SMYD4: variants seen among roughly 807,000 people sequenced by gnomAD.
SMYD4 encodes protein-lysine N-methyltransferase SMYD4.
In SMYD4, 68 loss-of-function variants were observed where a neutral mutation model predicts 72.8. The ratio of observed to expected loss-of-function variants is 0.93; its 90% CI spans 0.77 to 1.14. SMYD4 has a LOEUF of 1.14. SMYD4 is among the 50% of genes most tolerant of loss of function. The pLI is 0.00. For missense variants in SMYD4, 984 were observed against 1,003.7 expected, an observed-to-expected ratio of 0.98 and a Z score of 0.27; for synonymous variants, 407 against 388.6, an observed-to-expected ratio of 1.05 and a Z score of -0.56.
At chr17:1,813,237 C>T (rs1910427484) in intron 2 of SMYD4, among the ~76,000 whole-genome samples, 1 of 152,178 alleles carries the variant, frequency 6.6e-6, no homozygotes, top group African/African-American at 2.4e-5. Context: ...CTGGGCCCAG[C>T]CAGGATCTTG....
chr17:1,798,535 G>A (rs1196482910), intron 5 of SMYD4, among the ~76,000 whole-genome samples: 1 of 152,100 alleles, frequency 6.6e-6, no homozygotes, highest in Non-Finnish European at 1.5e-5. Context: ...GGCTGAGGCG[G>A]GAGGATTGCT....
Position 1,786,919 on chromosome 17 carries a change from T to A in SMYD4, c.1775A>T (p.Gln592Leu). Residue 592 changes from glutamine to leucine, a missense_variant, in exon 7 of 11, where the codon CAG becomes CTG. Transcript: ENST00000305513. ...VAERQQKLRS[Q>L]YFFDCACPAC... ...TGGACAGGCGCAGTCAAAGAAATACTGAGACCTCAGCTTCTGCTGCCTTTC... is the reference window on the plus strand; with the variant it reads ...TGGACAGGCGCAGTCAAAGAAATACAGAGACCTCAGCTTCTGCTGCCTTTC... 1 of 1,614,206 alleles carries A rather than the reference T, an allele frequency of 6.2e-7. No homozygotes were observed. The highest frequency in any genetic ancestry group is 8.5e-7 in the Non-Finnish European group (1 of 1,180,040).
In SMYD4 at chr17:1,800,838, T is replaced by C; in HGVS notation, c.556A>G (p.Thr186Ala). 1.2e-6 allele frequency: 2 copies of C among 1,614,126 alleles called. No individual in the cohort carries two copies. Among genetic ancestry groups the C allele is most frequent in the South Asian group, 2.2e-5 (2 of 91,076 alleles). Reference sequence around the variant, plus strand: ...AGACGATGGAGGTTTCTCTGCAGAGTCTGAGGGAGGACATCTGCTAGGGCT... The same window carrying C: ...AGACGATGGAGGTTTCTCTGCAGAGCCTGAGGGAGGACATCTGCTAGGGCT... ...TPALADVLPQTLQRNLHRLKM... is the reference protein window; with the variant it reads ...TPALADVLPQALQRNLHRLKM... Residue 186 changes from threonine (T) to alanine (A), a missense_variant, in exon 5 of 11, where the codon ACT becomes GCT. Transcript: ENST00000305513.
intron 2 of SMYD4, among the ~76,000 whole-genome samples, chr17:1,827,363 A>G (rs1020577897): frequency 6.6e-6 from 1 of 151,574 alleles, no homozygotes; most frequent in Non-Finnish European, 1.5e-5. Flanking sequence ...GAAAAAAAAA[A>G]AAAGAAAAAC....
chr17:1,812,089 CT>C lies in SMYD4; in HGVS notation c.160del (p.Arg54AspfsTer126). ...TCCCACCAAGTAACCTTTAGAAAGT[CT>C]TTTTAGAAACAGCTCATCCTCAGGT... is the stretch of plus-strand genomic sequence containing the variant. ...LQPEDELFLK[R>X]LSKGYLVGKD... On this transcript the variant is annotated frameshift_variant, in exon 3 of 11. Transcript: ENST00000305513. LOFTEE classifies it high-confidence loss of function. 1 of 1,613,964 alleles carries C rather than the reference CT, an allele frequency of 6.2e-7. No individual in the cohort carries two copies. The highest frequency in any genetic ancestry group is 1.3e-5 in the African/African-American group (1 of 74,994).
chr17:1,790,280 C>T (rs887949653), intron 5 of SMYD4, among the ~76,000 whole-genome samples: 4 of 152,072 alleles, frequency 2.6e-5, no homozygotes, highest in African/African-American at 9.7e-5. Flanking sequence ...GCCCAGGAAC[C>T]GTGTGGGTAT....
At chr17:1,810,791 C>T (rs778517975) in intron 3 of SMYD4, among the ~76,000 whole-genome samples, 54 of 152,218 alleles carry the variant, frequency 3.5e-4, no homozygotes, top group Non-Finnish European at 5.9e-4. Flanking sequence ...AGGAGTATGC[C>T]GGCGGAAGAG....
chr17:1,804,752 C>T, intron 3 of SMYD4, 37 bp from the exon 4 acceptor site: 1 of 1,590,024 alleles, frequency 6.3e-7, no homozygotes, highest in Non-Finnish European at 8.6e-7. Context: ...TATAAATGGA[C>T]ACCAGCATCT....
intron 5 of SMYD4, among the ~76,000 whole-genome samples, chr17:1,787,986 T>C (rs904188959): frequency 6.6e-6 from 1 of 152,228 alleles, no homozygotes; most frequent in Non-Finnish European, 1.5e-5. Flanking sequence ...CAAAGACTTT[T>C]AGAGCCCAAG....
intron 3 of SMYD4, among the ~76,000 whole-genome samples, chr17:1,806,119 G>C (rs1252733153): frequency 1.3e-5 from 2 of 151,814 alleles, no homozygotes; most frequent in Non-Finnish European, 2.9e-5. Context: ...TAGAGATGGG[G>C]TTTCACCGTG....
chr17:1,811,724 T>C (rs974378282), intron 3 of SMYD4, among the ~76,000 whole-genome samples: 23 of 152,082 alleles, frequency 1.5e-4, no homozygotes, highest in Non-Finnish European at 3.2e-4. Context: ...GTCAGTAGTT[T>C]GAGACCAGCC....
chr17:1,823,092 C>T (rs570881268), intron 2 of SMYD4, among the ~76,000 whole-genome samples: 5 of 151,580 alleles, frequency 3.3e-5, no homozygotes, highest in Non-Finnish European at 5.9e-5. Context: ...AGAAGCTGGC[C>T]GGGCACGGTG....
chr17:1,786,522 G>A lies in SMYD4; in HGVS notation c.1884+288C>T, dbSNP rs541333453. On this transcript the variant is annotated intron_variant, in intron 7 of 10. Coordinates refer to ENST00000305513, the MANE Select transcript of SMYD4 (RefSeq NM_052928.3). ...TGTCACTGTGCCCAGCCTATCCTGG[G>A]ACTTTTCAATGACTGACTTCAGCAA... Among the ~76,000 whole-genome samples the A allele has an allele frequency of 3.6e-3, 542 of 152,262 alleles. 4 individuals carry two copies. The highest frequency in any genetic ancestry group is 6.2e-3 in the Non-Finnish European group (420 of 68,026).
intron 2 of SMYD4, among the ~76,000 whole-genome samples, chr17:1,821,835 G>A (rs901376194): frequency 8.6e-5 from 13 of 151,886 alleles, no homozygotes; most frequent in African/African-American, 3.1e-4. Flanking sequence ...GGTGGCTGAG[G>A]CATGAGAATC....
At position 1,820,052 on chromosome 17, in the gene SMYD4, G is replaced by T. The variant is rs533320446; in HGVS notation, c.134+7809C>A. Among the ~76,000 whole-genome samples, 263 of 152,042 alleles carry T rather than the reference G, an allele frequency of 1.7e-3. 2 individuals are homozygous for T. Among genetic ancestry groups the T allele is most frequent in the African/African-American group, 6.0e-3 (247 of 41,496 alleles). Reference sequence around the variant, plus strand: ...ATCCACCTGCCTTGGCTTCCCAAAGGGCTGGGATTACAGGCATGAGCCACC... The same window carrying T: ...ATCCACCTGCCTTGGCTTCCCAAAGTGCTGGGATTACAGGCATGAGCCACC... On this transcript the variant is annotated intron_variant, in intron 2 of 10. Coordinates refer to ENST00000305513, the MANE Select transcript of SMYD4 (RefSeq NM_052928.3).
chr17:1,796,678 G>A (rs1020802312), intron 5 of SMYD4, among the ~76,000 whole-genome samples: 3 of 151,832 alleles, frequency 2.0e-5, no homozygotes, highest in East Asian at 1.9e-4. Context: ...CTCGAGATCC[G>A]CCCGCCTCGG....
In SMYD4 at chr17:1,779,938, T is replaced by C. The variant is rs531776575; in HGVS notation, c.*1348A>G. 6.5e-6 allele frequency: 1 copy of C among 152,808 alleles called. No homozygotes were observed. Among genetic ancestry groups the C allele is most frequent in the South Asian group, 2.1e-4 (1 of 4,832 alleles). 9.5% of individuals were successfully genotyped at this position (152,808 alleles called of 1,614,324 possible). A position where few individuals can be genotyped will look rare whatever the true frequency, so the allele number is the denominator to read the frequency against. On this transcript the variant is annotated 3_prime_UTR_variant, in exon 11 of 11. Coordinates refer to ENST00000305513, the MANE Select transcript of SMYD4 (RefSeq NM_052928.3). ...TTCCAGGGAAACAGACTATCATCAC[T>C]GAGCGAGGTGGAATCCAGCCAAAAC...
intron 5 of SMYD4, among the ~76,000 whole-genome samples, chr17:1,799,560 G>A (rs1301650121): frequency 6.6e-6 from 1 of 151,824 alleles, no homozygotes; most frequent in Admixed American, 6.6e-5. Context: ...ATTTTTAGTA[G>A]AGACGGGGTT....
At chr17:1,814,325 CA>C (rs1350947651) in intron 2 of SMYD4, among the ~76,000 whole-genome samples, 8 of 152,022 alleles carry the variant, frequency 5.3e-5, no homozygotes, top group African/African-American at 1.9e-4. Flanking sequence ...AAAACAACAA[CA>C]AAAAGCCCTG....
Sources: gnomAD v4.1 joint callset for allele counts (sites outside exome capture counted in the v4.1 genomes callset) on GRCh38, gnomAD v4.1.1 for gene constraint, MANE v1.5 for transcripts, NCBI Gene and HGNC (gene_info 2026-07-23, HGNC 2026-07-21) for gene names.